ILF2: variants seen among roughly 807,000 people sequenced by gnomAD.
The protein encoded by ILF2 is interleukin enhancer-binding factor 2.
ILF2 carries 9 observed loss-of-function variants against 55.3 expected under a neutral mutation model. The observed-to-expected ratio is 0.16, with a 90% CI of 0.10 to 0.28. The LOEUF (loss-of-function observed/expected upper bound fraction) is 0.28. Ranked by LOEUF, ILF2 falls within the 10% of genes least tolerant of loss-of-function variation. The probability of loss-of-function intolerance (pLI) is 1.00; values close to 1 mark genes in which losing one functional copy is unlikely to be tolerated. For synonymous variants in ILF2, 151 were observed against 161.8 expected, an observed-to-expected ratio of 0.93 and a Z score of 0.50; for missense variants, 266 against 474.9, an observed-to-expected ratio of 0.56 and a Z score of 4.09.
At position 153,662,296 on chromosome 1, in the gene ILF2, T is replaced by C; in HGVS notation, c.*100A>G. On this transcript the variant is annotated 3_prime_UTR_variant, in exon 14 of 14. Transcript: ENST00000361891. Reference sequence around the variant, plus strand: ...GAGTTTACTTTTCTTCCTGCTATCTTCCCTATCCCACGGAAATGTCTGTCA... The same window carrying C: ...GAGTTTACTTTTCTTCCTGCTATCTCCCCTATCCCACGGAAATGTCTGTCA... The C allele has an allele frequency of 6.8e-7, 1 of 1,467,818 alleles. No individual in the cohort carries two copies. The highest frequency in any genetic ancestry group is 9.3e-7 in the Non-Finnish European group (1 of 1,074,596). 90.9% of individuals were successfully genotyped at this position (1,467,818 alleles called of 1,614,324 possible). A position where few individuals can be genotyped will look rare whatever the true frequency, so the allele number is the denominator to read the frequency against.
At chr1:153,665,572 TG>T in intron 7 of ILF2, 90 bp downstream of exon 7, 1 of 1,116,616 alleles carries the variant, frequency 9.0e-7, no homozygotes, top group Non-Finnish European at 1.4e-6. Flanking sequence ...CTCTTCCATC[TG>T]GTCTGATCTG....
intron 3 of ILF2, 59 bp from the exon 4 acceptor site, chr1:153,668,616 GT>G: frequency 6.6e-7 from 1 of 1,524,382 alleles, no homozygotes; most frequent in Non-Finnish European, 8.8e-7. Flanking sequence ...AGGAGAGATT[GT>G]TTTTTCTATT....
intron 3 of ILF2, among the ~76,000 whole-genome samples, chr1:153,668,781 C>G (rs1669373893): frequency 6.6e-6 from 1 of 151,874 alleles, no homozygotes; most frequent in African/African-American, 2.4e-5. Flanking sequence ...ACCTGTAATC[C>G]CAGCTACTTG....
At chr1:153,663,925 A>G (rs77282452) in intron 10 of ILF2, 118 bp downstream of exon 10, 25,837 of 495,478 alleles carry the variant, frequency 0.052, 886 homozygotes, top group Non-Finnish European at 0.063. Flanking sequence ...TTTAAGCTTC[A>G]CCAAATTTCA....
intron 2 of ILF2, 127 bp downstream of exon 2, chr1:153,670,044 G>A: frequency 1.8e-6 from 2 of 1,105,712 alleles, no homozygotes; most frequent in South Asian, 1.3e-5. Flanking sequence ...CATTTAACAG[G>A]AGTGCAGGAA....
intron 6 of ILF2, chr1:153,667,335 G>T: frequency 7.1e-6 from 4 of 565,538 alleles, no homozygotes; most frequent in African/African-American, 1.9e-5. Flanking sequence ...AAAATTAGCT[G>T]GGTGTGGTAG....
At chr1:153,667,070 C>T (rs890148269) in intron 6 of ILF2, among the ~76,000 whole-genome samples, 1 of 152,140 alleles carries the variant, frequency 6.6e-6, no homozygotes, top group Admixed American at 6.5e-5. Context: ...TGCAGTGAAC[C>T]GAGATCACGC....
intron 1 of ILF2, among the ~76,000 whole-genome samples, chr1:153,670,700 C>T (rs965106808): frequency 6.6e-6 from 1 of 151,924 alleles, no homozygotes; most frequent in African/African-American, 2.4e-5. Flanking sequence ...AGGTGTCGAA[C>T]CCCCCTCCCC....
chr1:153,670,938 GAAC>G lies in ILF2; in HGVS notation c.-19_-17del. On this transcript the variant is annotated 5_prime_UTR_variant, in exon 1 of 14. Coordinates refer to ENST00000361891, the MANE Select transcript of ILF2 (RefSeq NM_004515.4). ...CTTACCTCATGGCGCCTTAAAACAC[GAAC>G]AATGGAGGCCGCACCAACCGCCCCT... The G allele has an allele frequency of 6.2e-7, 1 of 1,614,138 alleles. No individual in the cohort carries two copies.
chr1:153,662,675 C>T (rs764409294), intron 13 of ILF2, 30 bp downstream of exon 13: 1 of 1,605,504 alleles, frequency 6.2e-7, no homozygotes, highest in South Asian at 1.1e-5. Flanking sequence ...GATTACAATA[C>T]AAAACCCCTG....
At chr1:153,664,290 C>T (rs1423988503) in intron 9 of ILF2, 106 bp downstream of exon 9, 8 of 1,105,418 alleles carry the variant, frequency 7.2e-6, no homozygotes, top group East Asian at 4.8e-5. Flanking sequence ...AATCCAGACA[C>T]GAGGTCACAG....
Position 153,669,303 on chromosome 1 carries a change from T to C in ILF2, c.108+533A>G, listed in dbSNP as rs566523445. Among the ~76,000 whole-genome samples the C allele has an allele frequency of 4.6e-5, 7 of 152,358 alleles. No individual in the cohort carries two copies. The East Asian group carries it at 1.2e-3, about 25-fold the overall frequency. ...ATAATTTAAGCTATCACTATCTTTA[T>C]AGTAACAGATATACCATAAATACAA... On this transcript the variant is annotated intron_variant, in intron 3 of 13. Transcript: ENST00000361891.
intron 6 of ILF2, 121 bp downstream of exon 6, chr1:153,667,434 G>A: frequency 1.3e-6 from 1 of 745,016 alleles, no homozygotes; most frequent in Non-Finnish European, 2.4e-6. Context: ...AGCTACAATG[G>A]TACCACTGCA....
At chr1:153,663,298 A>T in intron 10 of ILF2, 22 bp from the exon 11 acceptor site, 8 of 1,611,264 alleles carry the variant, frequency 5.0e-6, no homozygotes, top group Non-Finnish European at 6.8e-6. Context: ...TAAATCCAGT[A>T]GGTGTGCCAT....
intron 1 of ILF2, among the ~76,000 whole-genome samples, 180 bp downstream of exon 1, chr1:153,670,738 C>G (rs1669423496): frequency 6.6e-6 from 1 of 152,058 alleles, no homozygotes; most frequent in South Asian, 2.1e-4. Context: ...CCATCCCGGG[C>G]CCAAGTTTCC....
At position 153,670,796 on chromosome 1, in the gene ILF2, C is replaced by A. The variant is rs1669449601; in HGVS notation, c.5+122G>T. The A allele has an allele frequency of 1.6e-5, 18 of 1,150,484 alleles. No individual in the cohort carries two copies. The South Asian group carries it at 2.2e-4, about 14-fold the overall frequency. The allele number at this position is 1,150,484 out of a possible 1,614,324, so 71.3% of individuals were successfully genotyped here. Reference sequence around the variant, plus strand: ...CTCCCACTATCCTAGACCAGGAGTTCTCAGGTTTTTGGCCAGCCCCCGGAT... The same window carrying A: ...CTCCCACTATCCTAGACCAGGAGTTATCAGGTTTTTGGCCAGCCCCCGGAT... On this transcript the variant is annotated intron_variant, in intron 1 of 13. Transcript: ENST00000361891.
At chr1:153,665,768 T>C in intron 6 of ILF2, 40 bp from the exon 7 acceptor site, 2 of 1,486,620 alleles carry the variant, frequency 1.3e-6, no homozygotes, top group Non-Finnish European at 1.9e-6. Context: ...AATAATTTAT[T>C]TGCCTAGACT....
chr1:153,667,689 T>A (rs753599686), intron 5 of ILF2, 32 bp from the exon 6 acceptor site: 2 of 1,500,678 alleles, frequency 1.3e-6, no homozygotes, highest in South Asian at 1.2e-5. Flanking sequence ...GGAAAAACAA[T>A]TTAGAAGAAA....
At chr1:153,665,131 A>C in intron 8 of ILF2, 89 bp downstream of exon 8, 1 of 795,542 alleles carries the variant, frequency 1.3e-6, no homozygotes, top group Non-Finnish European at 2.2e-6. Context: ...TGCATGTGGA[A>C]TAGCAACAAG....
Sources: allele counts gnomAD v4.1 joint callset (sites outside exome capture counted in the v4.1 genomes callset), GRCh38; gene constraint gnomAD v4.1.1; transcripts MANE v1.5; gene names NCBI Gene and HGNC (gene_info 2026-07-23, HGNC 2026-07-21).